Variants in ATP12A observed in about 807,000 individuals in gnomAD.
ATP12A encodes the protein potassium-transporting ATPase alpha chain 2.
ATP12A carries 81 observed loss-of-function variants against 111.2 expected under a neutral mutation model. The observed-to-expected ratio is 0.73, with a 90% CI of 0.61 to 0.88. The LOEUF is 0.88. Ranked by LOEUF, ATP12A falls within the 40% of genes least tolerant of loss-of-function variation. The pLI is 0.00. For missense variants in ATP12A, 1,196 were observed against 1,313.1 expected, an observed-to-expected ratio of 0.91 and a Z score of 1.38; for synonymous variants, 498 against 499.8, an observed-to-expected ratio of 1.00 and a Z score of 0.05.
In ATP12A at chr13:24,707,396, C is replaced by A. The variant is rs537958485; in HGVS notation, c.2456C>A (p.Thr819Asn). ...GTCGGGCTCCCCCTGCCCATTGGCACCATCACCATTCTGTTCATTGACTTG... is the reference window on the plus strand; with the variant it reads ...GTCGGGCTCCCCCTGCCCATTGGCAACATCACCATTCTGTTCATTGACTTG... ...IIVGLPLPIG[T>N]ITILFIDLGT... Residue 819 changes from threonine to asparagine, a missense_variant, in exon 17 of 23, where the codon ACC (threonine) becomes AAC (asparagine). Physicochemically the swap from Thr to Asn is moderately conservative, Grantham distance 65. Transcript: ENST00000381946. 6.2e-7 allele frequency: 1 copy of A among 1,614,228 alleles called. No homozygotes were observed. Among genetic ancestry groups the A allele is most frequent in the South Asian group, 1.1e-5 (1 of 91,086 alleles).
chr13:24,711,775 G>T lies in ATP12A; in HGVS notation c.*253G>T. The T allele has an allele frequency of 1.8e-6, 1 of 565,124 alleles. No individual in the cohort carries two copies. The highest frequency in any genetic ancestry group is 2.1e-5 in the South Asian group (1 of 48,502). 35.0% of individuals were successfully genotyped at this position (565,124 alleles called of 1,614,324 possible). On this transcript the variant is annotated 3_prime_UTR_variant, in exon 23 of 23. Coordinates refer to ENST00000381946, the MANE Select transcript of ATP12A (RefSeq NM_001676.7). Reference sequence around the variant, plus strand: ...AAAAATACGTACATTTCGAGGTAATGGTATAGGGAAGAATGTGTTTATGTG... The same window carrying T: ...AAAAATACGTACATTTCGAGGTAATTGTATAGGGAAGAATGTGTTTATGTG...
Position 24,710,859 on chromosome 13 carries a change from G to A in ATP12A, c.2965G>A (p.Gly989Arg), listed in dbSNP as rs576506269. Residue 989 changes from glycine (G) to arginine (R), a missense_variant, in exon 21 of 23, where the codon GGA becomes AGA. Physicochemically the swap from Gly to Arg is moderately radical, Grantham distance 125. This residue lies in a region of ATP12A where 1,126 missense variants were observed against 1,228.5 expected (regional missense o/e 0.92). Coordinates refer to ENST00000381946, the MANE Select transcript of ATP12A (RefSeq NM_001676.7). ...IIGLILSYGL[G>R]SVTALSFTML... The stretch of plus-strand genomic sequence containing the variant: ...TGGTCTGATCCTCTCCTATGGCCTC[G>A]GAAGTGTCACAGCCTTGAGTTTCAC... 7 of 1,614,148 alleles carry A rather than the reference G, an allele frequency of 4.3e-6. No homozygotes were observed. The East Asian group carries it at 6.7e-5, about 15-fold the overall frequency.
chr13:24,690,202 T>A, intron 5 of ATP12A, 136 bp from the exon 6 acceptor site: 1 of 1,367,374 alleles, frequency 7.3e-7, no homozygotes, highest in South Asian at 1.4e-5. Context: ...GCAGGCTGCA[T>A]AACAGCATGG....
At chr13:24,704,000 A>AT (rs199530251) in intron 14 of ATP12A, among the ~76,000 whole-genome samples, 7,790 of 113,484 alleles carry the variant, frequency 0.069, 960 homozygotes, top group Middle Eastern at 0.13. Context: ...ATTTTAGCAG[A>AT]TTTTTTTTTT....
chr13:24,680,422 C>T lies in ATP12A; in HGVS notation c.-322C>T, dbSNP rs1874381625. ...CCCAGGGGGTCCTCAATCCTGGACT[C>T]TCCCGACCCCTAGCTGTCGGTCCCC... On this transcript the variant is annotated 5_prime_UTR_variant, in exon 1 of 23. Coordinates refer to ENST00000381946, the MANE Select transcript of ATP12A (RefSeq NM_001676.7). 1.6e-5 allele frequency: 6 copies of T among 380,222 alleles called. 1 individual carries two copies. In the South Asian group the frequency reaches 1.7e-4, roughly 11 times the overall value. 23.6% of individuals were successfully genotyped at this position (380,222 alleles called of 1,614,324 possible).
In ATP12A at chr13:24,685,275, T is replaced by G. The variant is rs1264590341; in HGVS notation, c.169-39T>G. The G allele has an allele frequency of 6.3e-7, 1 of 1,596,090 alleles. No homozygotes were observed. Among genetic ancestry groups the G allele is most frequent in the Non-Finnish European group, 8.6e-7 (1 of 1,163,728 alleles). ...AGCTTGGGGCTTGAGTCTTTTGGAA[T>G]TATCTAATTCACTCTGTTCTTCCTT... On this transcript the variant is annotated intron_variant, in intron 2 of 22. Coordinates refer to ENST00000381946, the MANE Select transcript of ATP12A (RefSeq NM_001676.7). This position sits in a 1 kb window ranked among gnomAD's most constrained non-coding sequence, Gnocchi z 5.5.
Position 24,692,613 on chromosome 13 carries a change from G to T in ATP12A, c.1253G>T (p.Ser418Ile), listed in dbSNP as rs372254303. The T allele has an allele frequency of 2.1e-5, 34 of 1,613,446 alleles. No homozygotes were observed. In the African/African-American group the frequency reaches 4.0e-4, roughly 19 times the overall value. The change falls in exon 9 of 23, where the codon AGT (serine) becomes ATT (isoleucine). Residue 418 changes from serine to isoleucine, a missense_variant. Around this residue, in one of 3 missense-constraint regions of ATP12A, gnomAD observed 1,126 missense variants for 1,228.5 expected, o/e 0.92. Transcript: ENST00000381946. The stretch of plus-strand genomic sequence containing the variant: ...AATCAGATCTTTGTGGCTGACACCA[G>T]TGAGGACCATTCAAGTAAGTCTTAT... ...FDNQIFVADT[S>I]EDHSNQVFDQ...
intron 3 of ATP12A, among the ~76,000 whole-genome samples, chr13:24,687,832 C>T (rs1874724777): frequency 6.6e-6 from 1 of 152,224 alleles, no homozygotes; most frequent in Non-Finnish European, 1.5e-5. Flanking sequence ...CCCTGGTGAG[C>T]AGCTTCTTCA....
At chr13:24,697,639 C>CA (rs67009964) in intron 11 of ATP12A, among the ~76,000 whole-genome samples, 15,169 of 96,428 alleles carry the variant, frequency 0.16, 1,340 homozygotes, top group African/African-American at 0.25. Flanking sequence ...GACCCCGTCT[C>CA]AAAAAAAAAA....
At chr13:24,684,701 A>G (rs1874605745) in intron 2 of ATP12A, among the ~76,000 whole-genome samples, 1 of 152,282 alleles carries the variant, frequency 6.6e-6, no homozygotes, top group African/African-American at 2.4e-5. Flanking sequence ...GCCACGGGTG[A>G]GAAACCCTGC....
Position 24,709,729 on chromosome 13 carries a change from T to C in ATP12A, c.2664T>C (p.Tyr888=). Residue 888 remains tyrosine (Y), a synonymous_variant, in exon 19 of 23, where the codon TAT becomes TAC. Coordinates refer to ENST00000381946, the MANE Select transcript of ATP12A (RefSeq NM_001676.7). ...LGAFLVYFTV[Y]AQEGFLPRTL... The stretch of plus-strand genomic sequence containing the variant: ...CTTTCCTTGTGTATTTCACCGTCTA[T>C]GCACAAGAGGGCTTTCTGCCCCGCA... 6.2e-7 allele frequency: 1 copy of C among 1,614,246 alleles called. No individual in the cohort carries two copies. The highest frequency in any genetic ancestry group is 1.6e-4 in the Middle Eastern group (1 of 6,062).
Position 24,698,150 on chromosome 13 carries a change from C to T in ATP12A, c.1513-508C>T, listed in dbSNP as rs142165290. On this transcript the variant is annotated intron_variant, in intron 11 of 22. Transcript: ENST00000381946. The stretch of plus-strand genomic sequence containing the variant: ...TCGGCTGTCTTCCTGAAACATTATA[C>T]GTGGAAGTGTCCACTTCCTCACACC... Among the ~76,000 whole-genome samples the T allele has an allele frequency of 9.2e-5, 14 of 152,140 alleles. No individual in the cohort carries two copies. In the East Asian group the frequency reaches 2.1e-3, roughly 23 times the overall value.
At chr13:24,706,958 C>T in intron 15 of ATP12A, 65 bp from the exon 16 acceptor site, 1 of 1,500,586 alleles carries the variant, frequency 6.7e-7, no homozygotes, top group Non-Finnish European at 8.9e-7. Context: ...TCTTGTTGCT[C>T]TTGCCAGGCC....
At chr13:24,694,858 C>G (rs1442996176) in intron 11 of ATP12A, among the ~76,000 whole-genome samples, 1 of 93,112 alleles carries the variant, frequency 1.1e-5, no homozygotes, top group Non-Finnish European at 2.1e-5. Flanking sequence ...CACTCTCTCT[C>G]TCTCACACAC....
chr13:24,687,320 C>G (rs1292353236), intron 3 of ATP12A, among the ~76,000 whole-genome samples: 1 of 152,050 alleles, frequency 6.6e-6, no homozygotes, highest in Non-Finnish European at 1.5e-5. Flanking sequence ...AAAAATTAGC[C>G]AAGTGTGGTG....
chr13:24,691,894 T>G (rs1342906167), intron 8 of ATP12A, among the ~76,000 whole-genome samples: 1 of 152,210 alleles, frequency 6.6e-6, no homozygotes, highest in Admixed American at 6.5e-5. Context: ...CCAGGTCTCC[T>G]CTGACTCCAG....
Position 24,698,710 on chromosome 13 carries a change from T to G in ATP12A, c.1565T>G (p.Met522Arg). Residue 522 changes from methionine (M) to arginine (R), a missense_variant, in exon 12 of 23, where the codon ATG (methionine) becomes AGG (arginine). Met to Arg is a moderately conservative substitution (Grantham distance 91). Transcript: ENST00000381946. Reference sequence around the variant, plus strand: ...CACGGCAAGCGCTTCCTCATGGTGATGAAGGGGGCCCCTGAGCGCATCCTA... The same window carrying G: ...CACGGCAAGCGCTTCCTCATGGTGAGGAAGGGGGCCCCTGAGCGCATCCTA... Reference protein sequence around the residue: ...DPHGKRFLMVMKGAPERILEK... With the variant: ...DPHGKRFLMVRKGAPERILEK... 1.2e-6 allele frequency: 2 copies of G among 1,613,952 alleles called. No homozygotes were observed. The highest frequency in any genetic ancestry group is 1.7e-6 in the Non-Finnish European group (2 of 1,179,992).
Position 24,698,672 on chromosome 13 carries a change from G to C in ATP12A, c.1527G>C (p.Glu509Asp), listed in dbSNP as rs1210015590. 5.0e-6 allele frequency: 8 copies of C among 1,613,562 alleles called. No individual in the cohort carries two copies. Among genetic ancestry groups the C allele is most frequent in the Non-Finnish European group, 6.8e-6 (8 of 1,179,968 alleles). Residue 509 changes from glutamate to aspartate, a missense_variant, in exon 12 of 23, where the codon GAG becomes GAC. Around this residue, in one of 3 missense-constraint regions of ATP12A, gnomAD observed 1,126 missense variants for 1,228.5 expected, o/e 0.92. Transcript: ENST00000381946. ...TTCCTTCCCAGCTCTCCATCCACGA[G>C]ATGGATGACCCCCACGGCAAGCGCT... Reference protein sequence around the residue: ...STNKFQLSIHEMDDPHGKRFL... With the variant: ...STNKFQLSIHDMDDPHGKRFL...
At position 24,685,854 on chromosome 13, in the gene ATP12A, G is replaced by A. The variant is rs1052423122; in HGVS notation, c.228+481G>A. 2.6e-5 allele frequency among the ~76,000 whole-genome samples: 4 copies of A among 152,250 alleles called. No individual in the cohort carries two copies. Among genetic ancestry groups the A allele is most frequent in the Admixed American group, 1.3e-4 (2 of 15,290 alleles). ...CCAGTAAGCACAGAGCCTGCTTGGA[G>A]AGAATCTGGGCTTGCCGGAAGCTAG... On this transcript the variant is annotated intron_variant, in intron 3 of 22. Coordinates refer to ENST00000381946, the MANE Select transcript of ATP12A (RefSeq NM_001676.7). This position sits in a 1 kb window ranked among gnomAD's most constrained non-coding sequence, Gnocchi z 5.5.
Sources: gnomAD v4.1 joint callset for allele counts (sites outside exome capture counted in the v4.1 genomes callset) on GRCh38, gnomAD v4.1.1 for gene constraint, gnomAD v4.1.1 regional missense constraint, Gnocchi (gnomAD v3.1) non-coding constraint, MANE v1.5 for transcripts, NCBI Gene and HGNC (gene_info 2026-07-23, HGNC 2026-07-21) for gene names.